NCALD: variants seen among roughly 807,000 people sequenced by gnomAD.
NCALD encodes the protein neurocalcin-delta.
NCALD carries 10 observed loss-of-function variants against 18.6 expected under a neutral mutation model. The observed-to-expected ratio is 0.54, with a 90% CI of 0.33 to 0.91. NCALD has a LOEUF of 0.91. Ranked by LOEUF, NCALD falls within the 40% of genes least tolerant of loss-of-function variation. NCALD has a pLI of 0.03. For synonymous variants in NCALD, 88 were observed against 87.4 expected (o/e 1.01, Z -0.04); for missense variants, 184 against 247.6 (o/e 0.74, Z 1.72).
intron 4 of NCALD, among the ~76,000 whole-genome samples, chr8:101,834,819 C>G (rs2155941): frequency 0.38 from 57,673 of 152,084 alleles, 13,563 homozygotes; most frequent in African/African-American, 0.66. Flanking sequence ...TGTAGGCCAA[C>G]TTAAACTGTA....
intron 2 of NCALD, among the ~76,000 whole-genome samples, chr8:101,943,857 C>G (rs544178903): frequency 6.6e-6 from 1 of 152,194 alleles, no homozygotes; most frequent in South Asian, 2.1e-4. Flanking sequence ...AGGAGAATCA[C>G]TTGAACTAGG....
intron 4 of NCALD, among the ~76,000 whole-genome samples, chr8:101,863,647 A>G (rs944629944): frequency 1.3e-5 from 2 of 152,200 alleles, no homozygotes; most frequent in African/African-American, 4.8e-5. Context: ...TTTCCTTATT[A>G]TTCCACATAT....
At position 102,085,853 on chromosome 8, in the gene NCALD, C is replaced by T. The variant is rs375281480; in HGVS notation, c.-210+38384G>A. On this transcript the variant is annotated intron_variant, in intron 1 of 6. Coordinates refer to the NCALD transcript ENST00000311028. Reference sequence around the variant, plus strand: ...TTATAATTGGCTTTAGGCTTTTAACCAAGCAGAAAAAGCTAAAACTCAAGT... The same window carrying T: ...TTATAATTGGCTTTAGGCTTTTAACTAAGCAGAAAAAGCTAAAACTCAAGT... Among the ~76,000 whole-genome samples, 185 of 152,082 alleles carry T rather than the reference C, an allele frequency of 1.2e-3. 3 individuals carry two copies. The South Asian group carries it at 0.037, about 31-fold the overall frequency.
intron 1 of NCALD, among the ~76,000 whole-genome samples, chr8:102,050,794 T>C (rs1476686752): frequency 2.1e-5 from 3 of 145,468 alleles, no homozygotes; most frequent in East Asian, 2.0e-4. Context: ...TTAACTAATT[T>C]TTAATTTAAT....
chr8:101,769,779 C>T (rs1420502748), intron 1 of NCALD, among the ~76,000 whole-genome samples: 1 of 152,110 alleles, frequency 6.6e-6, no homozygotes. Flanking sequence ...TGTTTGTTTA[C>T]GTCTATAAAT....
chr8:102,011,457 T>C (rs1821900708), intron 2 of NCALD, among the ~76,000 whole-genome samples: 1 of 152,300 alleles, frequency 6.6e-6, no homozygotes, highest in Non-Finnish European at 1.5e-5. Context: ...GGCTGTAAGT[T>C]TCTTGAGGAC....
chr8:101,877,878 G>C (rs566223477), intron 4 of NCALD, among the ~76,000 whole-genome samples: 63 of 152,256 alleles, frequency 4.1e-4, no homozygotes, highest in African/African-American at 1.4e-3. Context: ...GTTAGCAAAG[G>C]AGTAAAAAAG....
chr8:101,988,935 A>AATGAGAG (rs1305406724), intron 2 of NCALD, among the ~76,000 whole-genome samples: 1 of 149,022 alleles, frequency 6.7e-6, no homozygotes, highest in Non-Finnish European at 1.5e-5. Context: ...CAGAGAAGCC[A>AATGAGAG]GTGAGAGGTG....
intron 2 of NCALD, among the ~76,000 whole-genome samples, chr8:101,964,165 C>CA (rs1373506556): frequency 1.3e-5 from 2 of 152,108 alleles, no homozygotes; most frequent in Non-Finnish European, 2.9e-5. Context: ...CCAGACTGCT[C>CA]ACCACCTCTC....
intron 2 of NCALD, among the ~76,000 whole-genome samples, chr8:101,982,532 T>C (rs1452581597): frequency 1.3e-5 from 2 of 152,210 alleles, no homozygotes; most frequent in Admixed American, 6.5e-5. Context: ...AAAATTCCTA[T>C]GATTTCTCAT....
intron 2 of NCALD, among the ~76,000 whole-genome samples, chr8:101,958,270 C>A (rs560514332): frequency 1.3e-5 from 2 of 152,140 alleles, no homozygotes; most frequent in African/African-American, 4.8e-5. Flanking sequence ...CACACAATTA[C>A]ATCTAGTTGG....
chr8:102,092,119 C>T (rs769857126), intron 1 of NCALD, among the ~76,000 whole-genome samples: 10 of 152,120 alleles, frequency 6.6e-5, no homozygotes, highest in South Asian at 6.2e-4. Flanking sequence ...AAATGGATTG[C>T]AGTAAAAAAG....
chr8:101,906,451 A>C (rs748633214), intron 3 of NCALD, among the ~76,000 whole-genome samples: 1 of 152,200 alleles, frequency 6.6e-6, no homozygotes, highest in Non-Finnish European at 1.5e-5. Flanking sequence ...TGATGACTCA[A>C]CTTTGCCATT....
At chr8:101,853,239 A>G (rs953982945) in intron 4 of NCALD, among the ~76,000 whole-genome samples, 18 of 152,222 alleles carry the variant, frequency 1.2e-4, no homozygotes, top group African/African-American at 4.1e-4. Context: ...AAGTGTTTAA[A>G]ACATTTAAAA....
At chr8:101,782,840 C>T (rs1812072381) in intron 1 of NCALD, among the ~76,000 whole-genome samples, 1 of 152,202 alleles carries the variant, frequency 6.6e-6, no homozygotes, top group African/African-American at 2.4e-5. Context: ...GTATGTCCTG[C>T]ATGATGCTGG....
intron 1 of NCALD, among the ~76,000 whole-genome samples, chr8:101,763,969 C>CTCTCTCT (rs1563744221): frequency 7.8e-5 from 1 of 12,760 alleles, no homozygotes; most frequent in African/African-American, 1.6e-4. Flanking sequence ...TCTCTCTCCA[C>CTCTCTCT]ACACACACAC....
At chr8:102,054,862 A>G (rs1823593847) in intron 1 of NCALD, among the ~76,000 whole-genome samples, 3 of 152,120 alleles carry the variant, frequency 2.0e-5, no homozygotes, top group Admixed American at 1.3e-4. Context: ...CTATATCCAC[A>G]CACACGTCTT....
intron 2 of NCALD, among the ~76,000 whole-genome samples, chr8:101,955,872 T>C (rs1819604947): frequency 6.6e-6 from 1 of 152,196 alleles, no homozygotes; most frequent in Non-Finnish European, 1.5e-5. Context: ...CATGGTAATG[T>C]GGTTATGAAA....
chr8:102,040,628 G>A (rs958224682), intron 1 of NCALD, among the ~76,000 whole-genome samples: 15 of 152,118 alleles, frequency 9.9e-5, no homozygotes, highest in Non-Finnish European at 1.5e-5. Flanking sequence ...GGGAAAACAG[G>A]CAAGAATGAA....
Sources: gnomAD v4.1 joint callset for allele counts (sites outside exome capture counted in the v4.1 genomes callset) on GRCh38, gnomAD v4.1.1 for gene constraint, MANE v1.5 for transcripts, NCBI Gene and HGNC (gene_info 2026-07-23, HGNC 2026-07-21) for gene names.